LTAP1: variants seen among roughly 807,000 people sequenced by gnomAD.
LTAP1 encodes the protein HCV NS5A-transactivated protein 4.
At chr1:154,220,267 C>G in the LTAP1 span, 1 of 1,544,634 alleles carries the variant, frequency 6.5e-7, no homozygotes, top group South Asian at 1.1e-5. Context: ...AGAATGCAGA[C>G]GGGGTACAGC....
chr1:154,218,726 T>A, the LTAP1 span, among the ~76,000 whole-genome samples: 1 of 152,224 alleles, frequency 6.6e-6, no homozygotes, highest in Non-Finnish European at 1.5e-5. Context: ...TATGTGTAGG[T>A]CCTGGCTTTA....
At chr1:154,220,123 T>A in the LTAP1 span, 1 of 715,748 alleles carries the variant, frequency 1.4e-6, no homozygotes, top group Non-Finnish European at 2.3e-6. Flanking sequence ...CAGGGAGGCG[T>A]GGGGTCTGTG....
the LTAP1 span, among the ~76,000 whole-genome samples, chr1:154,216,122 C>G: frequency 2.6e-5 from 4 of 152,240 alleles, no homozygotes; most frequent in African/African-American, 9.6e-5. Flanking sequence ...CAGGCGTGAG[C>G]CACCGCGCCC....
At chr1:154,207,716 G>A in the LTAP1 span, 53 of 1,281,520 alleles carry the variant, frequency 4.1e-5, no homozygotes, top group Non-Finnish European at 5.0e-5. Flanking sequence ...GCTTATCCCA[G>A]GCCATAAATG....
At chr1:154,219,661 T>C in the LTAP1 span, among the ~76,000 whole-genome samples, 4 of 152,220 alleles carry the variant, frequency 2.6e-5, no homozygotes, top group East Asian at 5.8e-4. Context: ...GCCACAGCAC[T>C]GAGCAGGTAA....
chr1:154,211,327 T>A, the LTAP1 span, among the ~76,000 whole-genome samples: 9 of 94,344 alleles, frequency 9.5e-5, no homozygotes, highest in East Asian at 2.8e-4. Context: ...TTTAATTCTT[T>A]TTTTTTTTTT....
chr1:154,211,040 CTT>C, the LTAP1 span, among the ~76,000 whole-genome samples: 5 of 151,316 alleles, frequency 3.3e-5, no homozygotes, highest in South Asian at 2.1e-4. Context: ...CAGTCATGCT[CTT>C]GTCACCCCAG....
At chr1:154,209,148 T>C in the LTAP1 span, among the ~76,000 whole-genome samples, 1 of 152,174 alleles carries the variant, frequency 6.6e-6, no homozygotes, top group African/African-American at 2.4e-5. Flanking sequence ...GTTAAGTATA[T>C]TCACAGTGTT....
the LTAP1 span, chr1:154,220,454 T>A: frequency 6.2e-7 from 1 of 1,608,716 alleles, no homozygotes; most frequent in African/African-American, 1.3e-5. Context: ...CCCGCTGTCC[T>A]GGCTGGTCAG....
chr1:154,210,240 T>C, the LTAP1 span, among the ~76,000 whole-genome samples: 52 of 152,108 alleles, frequency 3.4e-4, no homozygotes, highest in African/African-American at 1.2e-3. Flanking sequence ...GGTTTTGTCA[T>C]GTTGGCCAGG....
chr1:154,207,729 G>GC, the LTAP1 span: 1 of 1,155,852 alleles, frequency 8.7e-7, no homozygotes, highest in Non-Finnish European at 1.2e-6. Context: ...CATAAATGCA[G>GC]CAATAGTCAC....
the LTAP1 span, chr1:154,214,572 G>A: frequency 6.3e-7 from 1 of 1,595,692 alleles, no homozygotes; most frequent in Non-Finnish European, 8.6e-7. Flanking sequence ...CCTCTTTCAA[G>A]TCCTGTTCAC....
At chr1:154,216,480 A>C in the LTAP1 span, among the ~76,000 whole-genome samples, 1 of 151,680 alleles carries the variant, frequency 6.6e-6, no homozygotes, top group Non-Finnish European at 1.5e-5. Flanking sequence ...GGTTACAGGC[A>C]CACACCACCA....
chr1:154,207,791 C>A, the LTAP1 span: 1 of 703,160 alleles, frequency 1.4e-6, no homozygotes, highest in Non-Finnish European at 2.3e-6. Context: ...GTTACTAAAA[C>A]CCCATCTAGT....
At chr1:154,218,194 A>G in the LTAP1 span, among the ~76,000 whole-genome samples, 1 of 152,260 alleles carries the variant, frequency 6.6e-6, no homozygotes. Context: ...CTTGGTACAC[A>G]TGAGCAAAAC....
chr1:154,215,298 G>C, the LTAP1 span, among the ~76,000 whole-genome samples: 7 of 152,158 alleles, frequency 4.6e-5, no homozygotes, highest in South Asian at 1.5e-3. Flanking sequence ...CGGGTGCTGT[G>C]GCTCACGCCT....
the LTAP1 span, among the ~76,000 whole-genome samples, chr1:154,217,542 GT>G: frequency 6.6e-6 from 1 of 151,408 alleles, no homozygotes; most frequent in Admixed American, 6.6e-5. Context: ...TGGTTTTTTT[GT>G]TTTTGGTGAG....
the LTAP1 span, chr1:154,207,555 C>A: frequency 1.4e-5 from 23 of 1,614,130 alleles, no homozygotes; most frequent in South Asian, 2.5e-4. Flanking sequence ...GGTATGTCAC[C>A]TGGATGGTTG....
At chr1:154,207,969 C>A in the LTAP1 span, among the ~76,000 whole-genome samples, 1 of 151,844 alleles carries the variant, frequency 6.6e-6, no homozygotes, top group Non-Finnish European at 1.5e-5. Context: ...GGAGTGGTGG[C>A]GGGTGCCTGT....
Sources: gnomAD v4.1 joint callset for allele counts (sites outside exome capture counted in the v4.1 genomes callset) on GRCh38, gnomAD v4.1.1 for gene constraint, MANE v1.5 for transcripts, NCBI Gene and HGNC (gene_info 2026-07-23, HGNC 2026-07-21) for gene names.